Variants in CNTN6 observed in about 807,000 individuals in gnomAD.
CNTN6 encodes contactin 6, also known as contactin-6.
Under a neutral mutation model 122.8 loss-of-function variants are expected in CNTN6, and 137 were observed. The observed-to-expected ratio is 1.12, with a 90% CI of 0.97 to 1.29. The LOEUF is 1.29. CNTN6 is among the 50% of genes most tolerant of loss of function. The pLI, the probability that CNTN6 is intolerant of heterozygous loss-of-function variation, is 0.00. For missense variants in CNTN6, 1,634 were observed against 1,223.4 expected (o/e 1.34, Z -5.01); for synonymous variants, 570 against 426.0 (o/e 1.34, Z -4.16).
At chr3:1,371,366 C>T (rs1230066414) in intron 12 of CNTN6, among the ~76,000 whole-genome samples, 1 of 151,808 alleles carries the variant, frequency 6.6e-6, no homozygotes, top group Admixed American at 6.6e-5. Context: ...CAATAACTTG[C>T]CTAAAACCTT....
At chr3:1,382,916 C>T (rs376870612) in intron 17 of CNTN6, 26 bp from the exon 18 acceptor site, 1 of 1,502,036 alleles carries the variant, frequency 6.7e-7, no homozygotes, top group Non-Finnish European at 9.3e-7. Context: ...TGCAAATACT[C>T]AGTGATTGAT....
At chr3:1,305,695 C>G (rs1204653967) in intron 7 of CNTN6, among the ~76,000 whole-genome samples, 1 of 150,512 alleles carries the variant, frequency 6.6e-6, no homozygotes, top group Non-Finnish European at 1.5e-5. Context: ...AATTTAGTAC[C>G]TTTTCTGTCA....
Position 1,352,370 on chromosome 3 carries a change from A to T in CNTN6, c.1411A>T (p.Arg471Trp), listed in dbSNP as rs73094903. ...DGSLKIYNIT[R>W]SDAGSYTCIA... is the part of the protein sequence containing the mutation. ...CAGCCTCAAGATATATAATATTACCAGGTCAGATGCTGGATCATATACATG... is the reference window on the plus strand; with the variant it reads ...CAGCCTCAAGATATATAATATTACCTGGTCAGATGCTGGATCATATACATG... The change falls in exon 12 of 23, where the codon AGG becomes TGG. Residue 471 changes from arginine to tryptophan, a missense_variant. Transcript: ENST00000446702. 6 of 1,585,400 alleles carry T rather than the reference A, an allele frequency of 3.8e-6. No individual in the cohort carries two copies. Among genetic ancestry groups the T allele is most frequent in the Non-Finnish European group, 5.2e-6 (6 of 1,162,978 alleles).
chr3:1,208,677 C>G (rs1388522484), intron 2 of CNTN6, among the ~76,000 whole-genome samples: 1 of 152,076 alleles, frequency 6.6e-6, no homozygotes, highest in East Asian at 1.9e-4. Flanking sequence ...AGCCTCACCA[C>G]CCTTTAGCTA....
chr3:1,293,313 C>T (rs180727841), intron 5 of CNTN6, among the ~76,000 whole-genome samples: 6 of 151,150 alleles, frequency 4.0e-5, no homozygotes, highest in Non-Finnish European at 5.9e-5. Context: ...ATGGTTCATG[C>T]TTCATGCATT....
intron 2 of CNTN6, among the ~76,000 whole-genome samples, chr3:1,188,878 G>T (rs2093663153): frequency 6.6e-6 from 1 of 152,158 alleles, no homozygotes; most frequent in African/African-American, 2.4e-5. Context: ...TGGTGTTTAG[G>T]GCTAGGCTGC....
At chr3:1,167,804 GATGCT>G in intron 2 of CNTN6, among the ~76,000 whole-genome samples, 1 of 152,328 alleles carries the variant, frequency 6.6e-6, no homozygotes, top group Admixed American at 6.5e-5. Flanking sequence ...AGAGTGAAGG[GATGCT>G]AACACCCAAC....
At chr3:1,265,135 A>C (rs1198538964) in intron 4 of CNTN6, among the ~76,000 whole-genome samples, 1 of 147,462 alleles carries the variant, frequency 6.8e-6, no homozygotes, top group African/African-American at 2.5e-5. Context: ...GATGATGGAC[A>C]CTTAACTTGC....
intron 10 of CNTN6, among the ~76,000 whole-genome samples, chr3:1,329,544 C>T (rs1409848153): frequency 6.6e-6 from 1 of 151,790 alleles, no homozygotes. Context: ...GCAACTGTTA[C>T]ATCATTTAAT....
intron 2 of CNTN6, among the ~76,000 whole-genome samples, chr3:1,182,095 G>T (rs1347651096): frequency 6.6e-6 from 1 of 151,860 alleles, no homozygotes; most frequent in Non-Finnish European, 1.5e-5. Context: ...TAATTTCAAG[G>T]TATTTTTATA....
chr3:1,103,440 G>T (rs1315556279), intron 1 of CNTN6, among the ~76,000 whole-genome samples: 1 of 152,146 alleles, frequency 6.6e-6, no homozygotes, highest in Admixed American at 6.5e-5. Context: ...TGCCTATGCG[G>T]TTTGTAGAAA....
chr3:1,318,776 G>A (rs914263991), intron 7 of CNTN6, among the ~76,000 whole-genome samples: 4 of 151,682 alleles, frequency 2.6e-5, no homozygotes, highest in African/African-American at 9.7e-5. Flanking sequence ...CTGCTCCTGG[G>A]GGTATGTAAA....
rs147073496 is a variant in CNTN6, at chr3:1,257,974, A to T, written c.359-20439A>T. 1.3e-3 allele frequency among the ~76,000 whole-genome samples: 197 copies of T among 152,282 alleles called. 2 individuals carry two copies. The highest frequency in any genetic ancestry group is 9.8e-3 in the Admixed American group (150 of 15,282). ...AGAAAGTGAGTGAGGAACTGCCTTG[A>T]AGTCCATTCTATCAATTTCATTTTA... is the stretch of plus-strand genomic sequence containing the variant. On this transcript the variant is annotated intron_variant, in intron 4 of 22. Transcript: ENST00000446702.
At chr3:1,351,679 A>G (rs1705662223) in intron 11 of CNTN6, among the ~76,000 whole-genome samples, 1 of 150,832 alleles carries the variant, frequency 6.6e-6, no homozygotes, top group Non-Finnish European at 1.5e-5. Context: ...TCCTTTTTGT[A>G]CTCTCTCTTT....
At chr3:1,102,339 C>T (rs1160282393) in intron 1 of CNTN6, among the ~76,000 whole-genome samples, 1 of 152,192 alleles carries the variant, frequency 6.6e-6, no homozygotes, top group Middle Eastern at 3.2e-3. Context: ...TCTCTGGCAT[C>T]TATCAGGGTC....
intron 2 of CNTN6, among the ~76,000 whole-genome samples, chr3:1,197,425 T>C (rs868056468): frequency 2.0e-5 from 3 of 152,336 alleles, no homozygotes; most frequent in Middle Eastern, 3.4e-3. Flanking sequence ...AGGGGTGCCA[T>C]TGTTTAAATT....
chr3:1,347,873 C>T (rs376081349), intron 11 of CNTN6, among the ~76,000 whole-genome samples: 3 of 151,930 alleles, frequency 2.0e-5, no homozygotes, highest in Non-Finnish European at 2.9e-5. Flanking sequence ...ATGCTGAGGA[C>T]AGTTTTGCTG....
intron 4 of CNTN6, among the ~76,000 whole-genome samples, chr3:1,236,293 G>A (rs2094420840): frequency 6.6e-6 from 1 of 151,996 alleles, no homozygotes; most frequent in Non-Finnish European, 1.5e-5. Context: ...CAAAACCAGC[G>A]CTAAACAAAA....
intron 11 of CNTN6, among the ~76,000 whole-genome samples, chr3:1,337,524 TG>T (rs947195486): frequency 6.6e-6 from 1 of 152,132 alleles, no homozygotes; most frequent in African/African-American, 2.4e-5. Flanking sequence ...AGCTTCCTAA[TG>T]GAACAAGCAA....
Sources: gnomAD v4.1 joint callset for allele counts (sites outside exome capture counted in the v4.1 genomes callset) on GRCh38, gnomAD v4.1.1 for gene constraint, MANE v1.5 for transcripts, NCBI Gene and HGNC (gene_info 2026-07-23, HGNC 2026-07-21) for gene names.